Variants in SPTBN1 observed in about 807,000 individuals in gnomAD.
SPTBN1 encodes spectrin beta, non-erythrocytic 1, also known as spectrin beta chain, non-erythrocytic 1.
Under a neutral mutation model 266.4 loss-of-function variants are expected in SPTBN1, and 32 were observed. The ratio of observed to expected loss-of-function variants is 0.12; its 90% CI spans 0.09 to 0.16. The LOEUF (loss-of-function observed/expected upper bound fraction) is 0.16, where lower values mean the gene tolerates loss of function less well. Among genes scored for constraint, SPTBN1 ranks in the 10% least tolerant of loss-of-function variants. The pLI is 1.00. For synonymous variants in SPTBN1, 1,336 were observed against 1,162.2 expected, an observed-to-expected ratio of 1.15 and a Z score of -3.04; for missense variants, 2,296 against 3,067.1, an observed-to-expected ratio of 0.75 and a Z score of 5.94.
intron 2 of SPTBN1, among the ~76,000 whole-genome samples, chr2:54,595,993 CTACCTTTTTG>C (rs11277978): frequency 0.27 from 41,114 of 151,732 alleles, 7,501 homozygotes; most frequent in African/African-American, 0.53. Context: ...CTTGTAAGTG[CTACCTTTTTG>C]TACCTTTTTG....
At chr2:54,659,045 T>A (rs1680862850) in intron 30 of SPTBN1, 109 bp from the exon 31 acceptor site, 1 of 1,067,026 alleles carries the variant, frequency 9.4e-7, no homozygotes. Flanking sequence ...TTGTCCAGTG[T>A]GGTCCAGTTT....
In SPTBN1 at chr2:54,647,033, A is replaced by G. The variant is rs1306183904; in HGVS notation, c.4867-98A>G. 3 of 1,572,524 alleles carry G rather than the reference A, an allele frequency of 1.9e-6. No homozygotes were observed. The African/African-American group carries it at 4.1e-5, about 21-fold the overall frequency. ...ACCTCTGGAGTTTTTCTTTCTACTG[A>G]TCCTTCCTCCTACCCTGCTGAGCAG... is the stretch of plus-strand genomic sequence containing the variant. On this transcript the variant is annotated intron_variant, in intron 23 of 35. Transcript: ENST00000356805.
intron 4 of SPTBN1, among the ~76,000 whole-genome samples, chr2:54,615,159 C>T (rs928127477): frequency 3.3e-5 from 5 of 152,040 alleles, no homozygotes; most frequent in African/African-American, 1.2e-4. Flanking sequence ...GTAGTTGTTT[C>T]AATTCCCAGG....
intron 3 of SPTBN1, among the ~76,000 whole-genome samples, chr2:54,608,202 A>C (rs62134704): frequency 6.6e-6 from 1 of 152,226 alleles, no homozygotes; most frequent in African/African-American, 2.4e-5. Context: ...ACCCCTGAGA[A>C]TATAGAAGTA....
At chr2:54,635,507 C>T (rs116233086) in intron 17 of SPTBN1, among the ~76,000 whole-genome samples, 3,198 of 152,272 alleles carry the variant, frequency 0.021, 135 homozygotes, top group African/African-American at 0.073. Context: ...CTGCCTGGGC[C>T]GGTAACTGCC....
At chr2:54,579,781 A>G (rs1322779627) in intron 2 of SPTBN1, among the ~76,000 whole-genome samples, 1 of 152,102 alleles carries the variant, frequency 6.6e-6, no homozygotes, top group Non-Finnish European at 1.5e-5. Flanking sequence ...GACTAAAATG[A>G]CTCTATTGTT....
chr2:54,510,063 A>T (rs1387606129), intron 1 of SPTBN1, among the ~76,000 whole-genome samples: 1 of 149,658 alleles, frequency 6.7e-6, no homozygotes, highest in Non-Finnish European at 1.5e-5. Flanking sequence ...GGCTCAAGTG[A>T]TTCTCCCACC....
chr2:54,578,718 T>G (rs899919987), intron 2 of SPTBN1, among the ~76,000 whole-genome samples: 5 of 151,902 alleles, frequency 3.3e-5, no homozygotes, highest in African/African-American at 1.2e-4. Flanking sequence ...AGAAATGATT[T>G]AATTTGGCCT....
chr2:54,628,228 G>A lies in SPTBN1; in HGVS notation c.1776G>A (p.Gln592=), dbSNP rs747933619. 5.6e-6 allele frequency: 9 copies of A among 1,613,648 alleles called. No homozygotes were observed. In the South Asian group the frequency reaches 9.9e-5, roughly 18 times the overall value. The change falls in exon 13 of 36, where the codon CAG becomes CAA. Residue 592 remains glutamine, a synonymous_variant. Coordinates refer to ENST00000356805, the MANE Select transcript of SPTBN1 (RefSeq NM_003128.3). The surrounding 1 kb of genome is among the most constrained non-coding windows in gnomAD (Gnocchi z 4.3). ...ERVRGVNASA[Q]KFATDGEGYK... is the part of the protein sequence containing the mutation. ...TGAGAGGTGTCAATGCCTCCGCCCAGAAGTTCGCAACAGACGGGGAAGGTA... is the reference window on the plus strand; with the variant it reads ...TGAGAGGTGTCAATGCCTCCGCCCAAAAGTTCGCAACAGACGGGGAAGGTA...
At chr2:54,602,456 C>T (rs957878520) in intron 3 of SPTBN1, among the ~76,000 whole-genome samples, 11 of 152,214 alleles carry the variant, frequency 7.2e-5, no homozygotes, top group African/African-American at 2.2e-4. Flanking sequence ...ACTTTAGATG[C>T]TCCCCATTGC....
intron 2 of SPTBN1, among the ~76,000 whole-genome samples, chr2:54,586,714 A>G (rs1295241474): frequency 6.6e-6 from 1 of 152,192 alleles, no homozygotes; most frequent in Admixed American, 6.5e-5. Context: ...AAGAAAAAAT[A>G]TCCCTCAGAC....
At chr2:54,471,316 A>G (rs1228473767) in intron 1 of SPTBN1, among the ~76,000 whole-genome samples, 1 of 152,228 alleles carries the variant, frequency 6.6e-6, no homozygotes, top group Non-Finnish European at 1.5e-5. Context: ...TTCCCTTGGT[A>G]TCAGTTCTCC....
intron 1 of SPTBN1, among the ~76,000 whole-genome samples, chr2:54,464,435 A>G (rs961402762): frequency 6.6e-6 from 1 of 152,198 alleles, no homozygotes; most frequent in Non-Finnish European, 1.5e-5. Flanking sequence ...TGTATAGTGT[A>G]CTATAATCCT....
At chr2:54,456,981 CCCCGCGGGTGG>C (rs1435325653) in intron 1 of SPTBN1, among the ~76,000 whole-genome samples, 2 of 150,764 alleles carry the variant, frequency 1.3e-5, no homozygotes. Flanking sequence ...CTCTCTGTGG[CCCCGCGGGTGG>C]GGAGCGGGGG....
intron 1 of SPTBN1, among the ~76,000 whole-genome samples, chr2:54,489,896 A>C (rs753170991): frequency 2.0e-5 from 3 of 152,162 alleles, no homozygotes; most frequent in Non-Finnish European, 2.9e-5. Context: ...GGTTTTTATC[A>C]GTTGGATTTT....
At chr2:54,539,416 C>CA (rs1188595011) in intron 2 of SPTBN1, among the ~76,000 whole-genome samples, 18 of 151,920 alleles carry the variant, frequency 1.2e-4, no homozygotes, top group Non-Finnish European at 1.6e-4. Context: ...GCATGCATTG[C>CA]AAAAAAAAGT....
At chr2:54,504,962 G>A (rs530482196) in intron 1 of SPTBN1, among the ~76,000 whole-genome samples, 8 of 152,290 alleles carry the variant, frequency 5.3e-5, no homozygotes, top group African/African-American at 1.4e-4. Context: ...ATGAAAACGT[G>A]TATAAATGTT....
rs70944169 is a variant in SPTBN1, at chr2:54,487,832, C to CTTTTTTTT, written c.-48+31322_-48+31329dup. The stretch of plus-strand genomic sequence containing the variant: ...TTCACTTGATGGTCTCCTCCTGTGT[C>CTTTTTTTT]TTTTTTTTTTTTTTTGAGACGGAGT... On this transcript the variant is annotated intron_variant, in intron 1 of 35. Coordinates refer to ENST00000356805, the MANE Select transcript of SPTBN1 (RefSeq NM_003128.3). Among the ~76,000 whole-genome samples, 67 of 68,548 alleles carry CTTTTTTTT rather than the reference C, an allele frequency of 9.8e-4. 4 individuals are homozygous for CTTTTTTTT. Among genetic ancestry groups the CTTTTTTTT allele is most frequent in the South Asian group, 4.9e-3 (7 of 1,434 alleles). 45.0% of individuals were successfully genotyped at this position (68,548 alleles called of 152,430 possible).
In SPTBN1 at chr2:54,599,180, C is replaced by T; in HGVS notation, c.237C>T (p.Tyr79=). 2 of 1,614,206 alleles carry T rather than the reference C, an allele frequency of 1.2e-6. No individual in the cohort carries two copies. Among genetic ancestry groups the T allele is most frequent in the Non-Finnish European group, 1.7e-6 (2 of 1,180,040 alleles). The change falls in exon 3 of 36, where the codon TAC becomes TAT. Residue 79 remains tyrosine, a synonymous_variant. Transcript: ENST00000356805. The part of the protein sequence containing the change: ...ARVSCRITDL[Y]TDLRDGRMLI... ...TGTCCTGCCGGATCACAGACCTGTA[C>T]ACTGACCTTCGAGATGGACGGATGC... is the stretch of plus-strand genomic sequence containing the variant.
Sources: allele counts gnomAD v4.1 joint callset (sites outside exome capture counted in the v4.1 genomes callset), GRCh38; gene constraint gnomAD v4.1.1; non-coding constraint Gnocchi (gnomAD v3.1); transcripts MANE v1.5; gene names NCBI Gene and HGNC (gene_info 2026-07-23, HGNC 2026-07-21).